Variants in CDKN2B-AS1 observed in about 807,000 individuals in gnomAD.
CDKN2B-AS1 encodes CDKN2B antisense RNA 1 (non-protein coding).
intron 4 of CDKN2B-AS1, chr9:22,121,176 C>T (rs1826092919): frequency 6.6e-6 from 1 of 151,904 alleles, no homozygotes; most frequent in Non-Finnish European, 1.5e-5. Flanking sequence ...AAACAATGCA[C>T]ATAAAATGTA....
At chr9:22,094,190 G>A (rs1825195254) in intron 4 of CDKN2B-AS1, among the ~76,000 whole-genome samples, 1 of 144,150 alleles carries the variant, frequency 6.9e-6, no homozygotes, top group Admixed American at 6.7e-5. Context: ...GAGATCAGCT[G>A]TTAGTCTGAT....
intron 4 of CDKN2B-AS1, among the ~76,000 whole-genome samples, chr9:22,071,417 C>A (rs189781809): frequency 6.9e-6 from 1 of 145,276 alleles, no homozygotes; most frequent in Admixed American, 7.2e-5. Flanking sequence ...CCTAAGTATA[C>A]GAGTACCTAG....
chr9:21,995,459 GC>G lies in CDKN2B-AS1; in HGVS notation n.29+301del, dbSNP rs1820615705. On this transcript the variant is annotated intron_variant and non_coding_transcript_variant, in intron 1 of 4. Transcript: ENST00000650946. The surrounding 1 kb of genome is among the most constrained non-coding windows in gnomAD (Gnocchi z 5.7). The stretch of plus-strand genomic sequence containing the variant: ...CTGCCGCCTCCACGCTCTGCCCCGC[GC>G]CCAGACACCCCGACTCCCCTTGATC... The G allele has an allele frequency of 6.6e-6, 1 of 152,366 alleles. No homozygotes were observed. 9.4% of individuals were successfully genotyped at this position (152,366 alleles called of 1,614,324 possible). A position where few individuals can be genotyped will look rare whatever the true frequency, so the allele number is the denominator to read the frequency against.
At chr9:22,101,170 A>G (rs997415453) in intron 4 of CDKN2B-AS1, among the ~76,000 whole-genome samples, 4 of 152,174 alleles carry the variant, frequency 2.6e-5, no homozygotes, top group African/African-American at 9.7e-5. Flanking sequence ...TTATTTTCAG[A>G]GTATGTATTT....
Position 22,001,844 on chromosome 9 carries a change from T to G in CDKN2B-AS1, n.29+6683T>G, listed in dbSNP as rs1188537847. On this transcript the variant is annotated intron_variant and non_coding_transcript_variant, in intron 1 of 4. Coordinates refer to ENST00000650946, the Ensembl canonical transcript of CDKN2B-AS1. This position sits in a 1 kb window ranked among gnomAD's most constrained non-coding sequence, Gnocchi z 4.2. Reference sequence around the variant, plus strand: ...GTTACATGAGTTAGCACTCATATATTGAATTAGTTAAGGAACCAATGTGGG... The same window carrying G: ...GTTACATGAGTTAGCACTCATATATGGAATTAGTTAAGGAACCAATGTGGG... Among the ~76,000 whole-genome samples, 1 of 152,098 alleles carries G rather than the reference T, an allele frequency of 6.6e-6. No individual in the cohort carries two copies. The highest frequency in any genetic ancestry group is 1.5e-5 in the Non-Finnish European group (1 of 67,950).
chr9:22,094,572 A>C (rs938764657), intron 4 of CDKN2B-AS1, among the ~76,000 whole-genome samples: 2 of 144,230 alleles, frequency 1.4e-5, no homozygotes, highest in Non-Finnish European at 2.9e-5. Context: ...TTGATCTTCC[A>C]TCACTGATAC....
chr9:22,017,062 A>G (rs182080648), intron 1 of CDKN2B-AS1, among the ~76,000 whole-genome samples: 203 of 152,302 alleles, frequency 1.3e-3, no homozygotes, highest in African/African-American at 4.6e-3. Context: ...ATATACTTCC[A>G]GTCCTATACA....
chr9:22,068,209 C>T (rs927564271), intron 4 of CDKN2B-AS1, among the ~76,000 whole-genome samples: 1 of 152,134 alleles, frequency 6.6e-6, no homozygotes, highest in African/African-American at 2.4e-5. Context: ...CAGACAACTC[C>T]ACATACATAC....
At chr9:22,007,934 G>A (rs1192791308) in intron 1 of CDKN2B-AS1, among the ~76,000 whole-genome samples, 2 of 152,046 alleles carry the variant, frequency 1.3e-5, no homozygotes, top group African/African-American at 4.8e-5. Context: ...CTATTAACAA[G>A]ATCCCTTAAT....
intron 4 of CDKN2B-AS1, among the ~76,000 whole-genome samples, chr9:22,089,984 C>G (rs1442491934): frequency 1.6e-5 from 2 of 123,682 alleles, no homozygotes; most frequent in African/African-American, 6.1e-5. Context: ...CCCCTCCCCC[C>G]ACCCCACAAC....
chr9:22,010,981 G>C (rs771836535), intron 1 of CDKN2B-AS1, among the ~76,000 whole-genome samples: 5 of 152,200 alleles, frequency 3.3e-5, no homozygotes, highest in Non-Finnish European at 7.3e-5. Context: ...AAGAACCAAT[G>C]ACTAAGTAAA....
At chr9:22,020,851 C>T (rs1361606784) in intron 1 of CDKN2B-AS1, among the ~76,000 whole-genome samples, 13 of 152,160 alleles carry the variant, frequency 8.5e-5, no homozygotes, top group Non-Finnish European at 1.9e-4. Context: ...TTGATAGTTT[C>T]TTTTACCGTG....
intron 1 of CDKN2B-AS1, among the ~76,000 whole-genome samples, chr9:22,018,477 C>T (rs1332989164): frequency 1.3e-5 from 2 of 151,008 alleles, no homozygotes; most frequent in Admixed American, 1.3e-4. Context: ...GCCAACATGG[C>T]GAAACCCCGT....
intron 4 of CDKN2B-AS1, chr9:22,120,407 ATAAG>A (rs1164242599): frequency 6.6e-6 from 1 of 152,258 alleles, no homozygotes; most frequent in Non-Finnish European, 1.5e-5. Context: ...GAGCTACTGC[ATAAG>A]TAAGTGCTTT....
intron 4 of CDKN2B-AS1, among the ~76,000 whole-genome samples, chr9:22,090,147 G>A (rs945814492): frequency 3.3e-5 from 5 of 152,064 alleles, no homozygotes; most frequent in African/African-American, 1.2e-4. Flanking sequence ...TCCCCACAAA[G>A]GACATGAACT....
chr9:22,018,528 G>A (rs1455595295), intron 1 of CDKN2B-AS1, among the ~76,000 whole-genome samples: 7 of 152,016 alleles, frequency 4.6e-5, no homozygotes, highest in African/African-American at 1.7e-4. Context: ...TTGGTGGTGG[G>A]CTCCTGTAAT....
At chr9:22,014,970 T>C (rs1821675868) in intron 1 of CDKN2B-AS1, among the ~76,000 whole-genome samples, 1 of 152,118 alleles carries the variant, frequency 6.6e-6, no homozygotes, top group African/African-American at 2.4e-5. Flanking sequence ...TAGTATTCCA[T>C]GGTGTATATA....
intron 1 of CDKN2B-AS1, among the ~76,000 whole-genome samples, chr9:22,033,885 T>C (rs1248757171): frequency 6.6e-6 from 1 of 152,206 alleles, no homozygotes; most frequent in Non-Finnish European, 1.5e-5. Flanking sequence ...TTATACTCAA[T>C]GAAAAACCAA....
At chr9:22,082,075 A>C (rs1366041889) in intron 4 of CDKN2B-AS1, among the ~76,000 whole-genome samples, 2 of 152,192 alleles carry the variant, frequency 1.3e-5, no homozygotes, top group Non-Finnish European at 2.9e-5. Flanking sequence ...AGAAAATGAC[A>C]TCTCTTTAAA....
Sources: gnomAD v4.1 joint callset for allele counts (sites outside exome capture counted in the v4.1 genomes callset) on GRCh38, gnomAD v4.1.1 for gene constraint, Gnocchi (gnomAD v3.1) non-coding constraint, MANE v1.5 for transcripts, NCBI Gene and HGNC (gene_info 2026-07-23, HGNC 2026-07-21) for gene names.